Variants in CRAMP1 observed in about 807,000 individuals in gnomAD.
CRAMP1 encodes cramped chromatin regulator 1, also known as protein cramped-like.
A neutral mutation model predicts 115.4 loss-of-function variants in CRAMP1; 50 were observed. The ratio of observed to expected loss-of-function variants is 0.43; its 90% confidence interval spans 0.35 to 0.55. CRAMP1 has a LOEUF of 0.55. CRAMP1 is among the 20% of genes least tolerant of loss of function. CRAMP1 has a pLI of 0.01. For missense variants in CRAMP1, 1,679 were observed against 1,721.7 expected, an observed-to-expected ratio of 0.98 and a Z score of 0.44; for synonymous variants, 866 against 745.4, an observed-to-expected ratio of 1.16 and a Z score of -2.64.
rs773500036 is a variant in CRAMP1 at position 1,666,446 on chromosome 16, G to A, written c.2882G>A (p.Ser961Asn). 18 of 1,613,570 alleles carry A rather than the reference G, an allele frequency of 1.1e-5. No individual in the cohort carries two copies. In the East Asian group the frequency reaches 3.8e-4, roughly 34 times the overall value. The change falls in exon 16 of 21, where the codon AGT becomes AAT. Residue 961 changes from serine to asparagine, a missense_variant. Ser to Asn is a conservative substitution (Grantham distance 46). Coordinates refer to ENST00000397412, the MANE Select transcript of CRAMP1 (RefSeq NM_020825.4). This position sits in a 1 kb window ranked among gnomAD's most constrained non-coding sequence, Gnocchi z 5.0. ...LASAIDLAAT[S>N]AGILSGNPLP... ...GGTGCTATCGACTTAGCAGCTACAA[G>A]TGCCGGCATCCTTTCCGGGAACCCC...
At position 1,622,370 on chromosome 16, in the gene CRAMP1, C is replaced by G. The variant is rs560815742; in HGVS notation, c.347-3603C>G. On this transcript the variant is annotated intron_variant, in intron 2 of 20. Coordinates refer to ENST00000397412, the MANE Select transcript of CRAMP1 (RefSeq NM_020825.4). ...TCTACTAAAGTACAAAAAAATTAGC[C>G]ATTGTGGTGGTGTGCACCCATAATC... Among the ~76,000 whole-genome samples the G allele has an allele frequency of 2.6e-5, 4 of 152,250 alleles. No individual in the cohort carries two copies. In the East Asian group the frequency reaches 7.8e-4, roughly 30 times the overall value.
rs2036391445 is a variant in CRAMP1, at chr16:1,614,013, G to A, written c.-1-626G>A. On this transcript the variant is annotated intron_variant, in intron 1 of 20. Coordinates refer to ENST00000397412, the MANE Select transcript of CRAMP1 (RefSeq NM_020825.4). This position sits in a 1 kb window ranked among gnomAD's most constrained non-coding sequence, Gnocchi z 4.4. ...GGGCAGGCGAGCCCGCGCTTCTCCC[G>A]TCCCGGGGTGGATCCGGCCTCCTCT... 6.6e-6 allele frequency among the ~76,000 whole-genome samples: 1 copy of A among 151,502 alleles called. No individual in the cohort carries two copies. Among genetic ancestry groups the A allele is most frequent in the Non-Finnish European group, 1.5e-5 (1 of 67,846 alleles).
In CRAMP1 at chr16:1,660,078, G is replaced by T; in HGVS notation, c.2413+15G>T. 1 of 1,532,054 alleles carries T rather than the reference G, an allele frequency of 6.5e-7. No individual in the cohort carries two copies. Among genetic ancestry groups the T allele is most frequent in the Non-Finnish European group, 8.7e-7 (1 of 1,148,810 alleles). The allele number at this position is 1,532,054 out of a possible 1,614,324, so 94.9% of individuals were successfully genotyped here. A position where few individuals can be genotyped will look rare whatever the true frequency, so the allele number is the denominator to read the frequency against. On this transcript the variant is annotated intron_variant, in intron 11 of 20. Coordinates refer to ENST00000397412, the MANE Select transcript of CRAMP1 (RefSeq NM_020825.4). ...CTGCTCCTCAGGTGAGGCTGTGGCA[G>T]CCACACTCCTTGTGCCTGGGCTGCC...
chr16:1,638,373 C>T (rs966384945), intron 5 of CRAMP1, among the ~76,000 whole-genome samples: 2 of 152,214 alleles, frequency 1.3e-5, no homozygotes, highest in African/African-American at 4.8e-5. Flanking sequence ...CTGTCAAGGG[C>T]CGTTGCCCTG....
At chr16:1,660,366 G>T (rs2036818063) in intron 11 of CRAMP1, among the ~76,000 whole-genome samples, 1 of 152,188 alleles carries the variant, frequency 6.6e-6, no homozygotes, top group African/African-American at 2.4e-5. Flanking sequence ...CCTTGCTAAT[G>T]TGCTGAGTTG....
intron 6 of CRAMP1, among the ~76,000 whole-genome samples, chr16:1,647,476 C>T (rs142519279): frequency 1.3e-5 from 2 of 152,238 alleles, no homozygotes; most frequent in East Asian, 3.9e-4. Context: ...CGTGGTGGCT[C>T]ACGTTTGTAA....
At position 1,670,721 on chromosome 16, in the gene CRAMP1, A is replaced by G. The variant is rs2036915142; in HGVS notation, c.3557A>G (p.Asn1186Ser). 1 of 1,613,844 alleles carries G rather than the reference A, an allele frequency of 6.2e-7. No individual in the cohort carries two copies. Among genetic ancestry groups the G allele is most frequent in the Non-Finnish European group, 8.5e-7 (1 of 1,179,878 alleles). Reference sequence around the variant, plus strand: ...ATGTTGCCGACTCCCATTGGGACCAACAGTGGCACTTCCTTGCTTGGCCCC... The same window carrying G: ...ATGTTGCCGACTCCCATTGGGACCAGCAGTGGCACTTCCTTGCTTGGCCCC... ...RKMLPTPIGT[N>S]SGTSLLGPSL... The change falls in exon 20 of 21, where the codon AAC becomes AGC. Residue 1186 changes from asparagine (N) to serine (S), a missense_variant. By Grantham distance (46) the Asn-to-Ser change is conservative. Around this residue, in one of 8 missense-constraint regions of CRAMP1, gnomAD observed 709 missense variants for 741.9 expected, o/e 0.96. Transcript: ENST00000397412.
chr16:1,670,534 A>C (rs2036913290), intron 19 of CRAMP1, 130 bp from the exon 20 acceptor site: 2 of 956,358 alleles, frequency 2.1e-6, no homozygotes, highest in Non-Finnish European at 3.2e-6. Context: ...AGCTCTTCGC[A>C]CAAGTCTGGA....
At chr16:1,654,694 G>A (rs906468171) in intron 8 of CRAMP1, among the ~76,000 whole-genome samples, 6 of 152,144 alleles carry the variant, frequency 3.9e-5, no homozygotes, top group African/African-American at 7.2e-5. Flanking sequence ...CTCCCAGTCC[G>A]CCTTGTGTCT....
chr16:1,624,477 G>A (rs977624522), intron 2 of CRAMP1, among the ~76,000 whole-genome samples: 9 of 151,760 alleles, frequency 5.9e-5, no homozygotes, highest in Admixed American at 2.0e-4. Context: ...GCAGTGGTGC[G>A]ATCTCGGCTC....
At chr16:1,658,606 G>C (rs2036796575) in intron 10 of CRAMP1, among the ~76,000 whole-genome samples, 1 of 152,202 alleles carries the variant, frequency 6.6e-6, no homozygotes, top group African/African-American at 2.4e-5. Flanking sequence ...TGTGGGGCCA[G>C]GTGGCCCTGT....
rs572499810 is a variant in CRAMP1 at position 1,639,353 on chromosome 16, G to A, written c.778+1446G>A. ...CCACAGGGTGGGAGTGGGCCCGGAC[G>A]TAGGGGCTCAAGAGCCCTTTTACAG... On this transcript the variant is annotated intron_variant, in intron 5 of 20. Coordinates refer to ENST00000397412, the MANE Select transcript of CRAMP1 (RefSeq NM_020825.4). 2.8e-4 allele frequency among the ~76,000 whole-genome samples: 43 copies of A among 151,864 alleles called. No individual in the cohort carries two copies. The South Asian group carries it at 8.5e-3, about 30-fold the overall frequency.
rs1485041037 is a variant in CRAMP1 at position 1,674,675 on chromosome 16, C to CT, written c.*632dup. The CT allele has an allele frequency of 6.4e-6, 1 of 156,006 alleles. No individual in the cohort carries two copies. Among genetic ancestry groups the CT allele is most frequent in the African/African-American group, 2.4e-5 (1 of 41,438 alleles). The allele number at this position is 156,006 out of a possible 1,614,324, so 9.7% of individuals were successfully genotyped here. On this transcript the variant is annotated 3_prime_UTR_variant, in exon 21 of 21. Coordinates refer to ENST00000397412, the MANE Select transcript of CRAMP1 (RefSeq NM_020825.4). The stretch of plus-strand genomic sequence containing the variant: ...CCTCCCTAGAGGTTTTGTTCGTACT[C>CT]TTAACAGGGAGTGGGGGCAGGAAGA...
intron 10 of CRAMP1, among the ~76,000 whole-genome samples, chr16:1,658,656 A>G (rs1054897119): frequency 6.6e-6 from 1 of 152,108 alleles, no homozygotes; most frequent in Admixed American, 6.5e-5. Context: ...AGCACCCCAA[A>G]AGGCCCGAGC....
intron 2 of CRAMP1, among the ~76,000 whole-genome samples, chr16:1,622,558 T>C (rs1330550467): frequency 6.6e-6 from 1 of 152,100 alleles, no homozygotes; most frequent in Non-Finnish European, 1.5e-5. Flanking sequence ...GGGCACCAAA[T>C]ATTAGAAAAG....
At chr16:1,655,403 G>A in intron 9 of CRAMP1, 103 bp downstream of exon 9, 2 of 921,736 alleles carry the variant, frequency 2.2e-6, no homozygotes, top group Admixed American at 1.8e-5. Flanking sequence ...GTCCCCGTGG[G>A]CAGAACAGCC....
intron 6 of CRAMP1, among the ~76,000 whole-genome samples, chr16:1,652,187 G>A (rs1314433497): frequency 1.3e-5 from 2 of 152,250 alleles, no homozygotes; most frequent in African/African-American, 4.8e-5. Flanking sequence ...CCAGGATAGT[G>A]GCTTTTCCAG....
At chr16:1,630,879 C>T (rs577962616) in intron 3 of CRAMP1, among the ~76,000 whole-genome samples, 1 of 152,216 alleles carries the variant, frequency 6.6e-6, no homozygotes, top group Non-Finnish European at 1.5e-5. Context: ...GCAGTGATAC[C>T]GTGTCCTTCT....
intron 6 of CRAMP1, among the ~76,000 whole-genome samples, chr16:1,646,788 GT>G (rs1186381879): frequency 2.6e-5 from 4 of 152,216 alleles, no homozygotes; most frequent in Non-Finnish European, 5.9e-5. Context: ...AAGTTTTCTA[GT>G]TTTACATTTA....
Sources: allele counts gnomAD v4.1 joint callset (sites outside exome capture counted in the v4.1 genomes callset), GRCh38; gene constraint gnomAD v4.1.1; regional missense constraint gnomAD v4.1.1; non-coding constraint Gnocchi (gnomAD v3.1); transcripts MANE v1.5; gene names NCBI Gene and HGNC (gene_info 2026-07-23, HGNC 2026-07-21).